ZC3H12B: variants seen among roughly 807,000 people sequenced by gnomAD.
ZC3H12B encodes probable ribonuclease ZC3H12B.
Under a neutral mutation model 43.9 loss-of-function variants are expected in ZC3H12B, and 7 were observed. The ratio of observed to expected loss-of-function variants is 0.16; its 90% CI spans 0.09 to 0.30. ZC3H12B has a LOEUF of 0.30. ZC3H12B is among the 10% of genes least tolerant of loss of function. The pLI is 1.00. For missense variants in ZC3H12B, 475 were observed against 670.2 expected, an observed-to-expected ratio of 0.71 and a Z score of 3.22; for synonymous variants, 222 against 241.7, an observed-to-expected ratio of 0.92 and a Z score of 0.76.
At chrX:65,209,602 TG>T in the ZC3H12B span, among the ~76,000 whole-genome samples, 1 of 107,885 alleles carries the variant, frequency 9.3e-6, no homozygotes, top group South Asian at 4.2e-4. Context: ...CTTCCAACTA[TG>T]TGGTCAATTT....
intron 3 of ZC3H12B, among the ~76,000 whole-genome samples, chrX:65,429,090 G>A (rs150789300): frequency 5.3e-5 from 6 of 112,207 alleles, no homozygotes; most frequent in African/African-American, 1.9e-4. Context: ...ACCAGTGAAG[G>A]TTGTGAAATA....
intron 3 of ZC3H12B, 101 bp downstream of exon 8, chrX:65,499,334 C>T (rs1398325557): frequency 1.6e-6 from 1 of 639,573 alleles, no homozygotes; most frequent in African/African-American, 2.2e-5. Flanking sequence ...ATACATTTTG[C>T]TAGTTGCCAC....
the ZC3H12B span, among the ~76,000 whole-genome samples, chrX:65,211,872 A>G: frequency 2.5e-3 from 196 of 77,690 alleles, no homozygotes; most frequent in Non-Finnish European, 3.9e-3. Context: ...TATATAATAT[A>G]TAATATATGT....
At chrX:65,383,063 A>G (rs1206647635) in intron 2 of ZC3H12B, among the ~76,000 whole-genome samples, 1 of 111,463 alleles carries the variant, frequency 9.0e-6, no homozygotes, top group Non-Finnish European at 1.9e-5. Context: ...CATCCCCATC[A>G]AGCTACCAAT....
the ZC3H12B span, among the ~76,000 whole-genome samples, chrX:65,128,744 T>G: frequency 8.9e-6 from 1 of 112,221 alleles, no homozygotes; most frequent in African/African-American, 3.2e-5. Context: ...ATTTAGTGCA[T>G]TCACAATTAC....
upstream of ZC3H12B, among the ~76,000 whole-genome samples, chrX:65,364,835 A>T (rs1355543941): frequency 1.8e-5 from 2 of 111,216 alleles, no homozygotes; most frequent in Non-Finnish European, 3.8e-5. Context: ...TCCCTTCCCT[A>T]CACATCAAGC....
the ZC3H12B span, among the ~76,000 whole-genome samples, chrX:65,157,432 A>G: frequency 1.8e-5 from 2 of 112,305 alleles, no homozygotes; most frequent in Non-Finnish European, 3.8e-5. Context: ...AAAGTAAATT[A>G]AATCTATTAC....
At chrX:65,203,591 G>T in the ZC3H12B span, among the ~76,000 whole-genome samples, 1 of 109,566 alleles carries the variant, frequency 9.1e-6, no homozygotes, top group Non-Finnish European at 1.9e-5. Flanking sequence ...CTGTAGCTGA[G>T]CTGGTATCCA....
chrX:65,234,077 A>G, the ZC3H12B span, among the ~76,000 whole-genome samples: 1 of 111,279 alleles, frequency 9.0e-6, no homozygotes, highest in Non-Finnish European at 1.9e-5. Flanking sequence ...AACAAACAAA[A>G]CTGCAGGCCA....
At chrX:65,449,014 G>GA (rs1240830673) in intron 3 of ZC3H12B, among the ~76,000 whole-genome samples, 1 of 9,323 alleles carries the variant, frequency 1.1e-4, no homozygotes, top group African/African-American at 4.8e-4. Context: ...AAGAAAGAAA[G>GA]GAAGGAAAGA....
chrX:65,225,701 C>G, the ZC3H12B span, among the ~76,000 whole-genome samples: 1 of 112,012 alleles, frequency 8.9e-6, no homozygotes, highest in African/African-American at 3.2e-5. Flanking sequence ...GAGCTGAAAG[C>G]CAAGGCTCGA....
chrX:65,384,951 A>G (rs1049665629), intron 2 of ZC3H12B, among the ~76,000 whole-genome samples: 3 of 112,319 alleles, frequency 2.7e-5, no homozygotes, highest in Non-Finnish European at 5.6e-5. Flanking sequence ...TAAAGATCAG[A>G]TGGTTGTAGA....
chrX:65,394,428 A>G (rs1017634812), intron 2 of ZC3H12B, among the ~76,000 whole-genome samples: 1 of 112,508 alleles, frequency 8.9e-6, no homozygotes, highest in Non-Finnish European at 1.9e-5. Context: ...ATGTCTAGCC[A>G]GTTTTCCCAA....
the ZC3H12B span, among the ~76,000 whole-genome samples, chrX:65,206,662 G>A: frequency 9.0e-6 from 1 of 111,223 alleles, no homozygotes; most frequent in Non-Finnish European, 1.9e-5. Flanking sequence ...TAAATAGATA[G>A]GACTTAATTA....
intron 3 of ZC3H12B, among the ~76,000 whole-genome samples, chrX:65,406,860 G>T (rs2066835131): frequency 8.9e-6 from 1 of 112,557 alleles, no homozygotes; most frequent in Admixed American, 9.2e-5. Context: ...GACCTCCGTC[G>T]TCCCGCGGCG....
the ZC3H12B span, among the ~76,000 whole-genome samples, chrX:65,176,057 A>C: frequency 9.0e-6 from 1 of 111,591 alleles, no homozygotes; most frequent in Non-Finnish European, 1.9e-5. Flanking sequence ...ACTACCCTGG[A>C]AAGGAGGCTG....
chrX:65,503,961 A>C (rs1003378192), exon 5 of ZC3H12B: 1 of 112,318 alleles, frequency 8.9e-6, no homozygotes, highest in African/African-American at 3.2e-5. Flanking sequence ...CAAAGTATGG[A>C]TGATATATCC....
At chrX:65,129,310 A>G in the ZC3H12B span, among the ~76,000 whole-genome samples, 14 of 107,764 alleles carry the variant, frequency 1.3e-4, no homozygotes, top group East Asian at 3.5e-3. Context: ...TGTCATATGC[A>G]TCCGTGTGAA....
the ZC3H12B span, among the ~76,000 whole-genome samples, chrX:65,291,442 C>A: frequency 8.9e-6 from 1 of 111,917 alleles, no homozygotes; most frequent in East Asian, 2.8e-4. Flanking sequence ...AGTATGTACA[C>A]ACAATGGAAT....
Sources: gnomAD v4.1 joint callset for allele counts (sites outside exome capture counted in the v4.1 genomes callset) on GRCh38, gnomAD v4.1.1 for gene constraint, MANE v1.5 for transcripts, NCBI Gene and HGNC (gene_info 2026-07-23, HGNC 2026-07-21) for gene names.